HMGN2: variants seen among roughly 807,000 people sequenced by gnomAD.
HMGN2 encodes the protein non-histone chromosomal protein HMG-17.
HMGN2 carries 2 observed loss-of-function variants against 16.9 expected under a neutral mutation model. That is an observed-to-expected ratio of 0.12 (90% CI 0.05 to 0.37). The LOEUF (loss-of-function observed/expected upper bound fraction) is 0.37, where lower values mean the gene tolerates loss of function less well. Ranked by LOEUF, HMGN2 falls within the 10% of genes least tolerant of loss-of-function variation. The pLI, the probability that HMGN2 is intolerant of heterozygous loss-of-function variation, is 1.00. For synonymous variants in HMGN2, 31 were observed against 34.9 expected, an observed-to-expected ratio of 0.89 and a Z score of 0.39; for missense variants, 90 against 106.0, an observed-to-expected ratio of 0.85 and a Z score of 0.66.
chr1:26,473,022 C>CA (rs1324290073), intron 1 of HMGN2, among the ~76,000 whole-genome samples: 6 of 74,328 alleles, frequency 8.1e-5, no homozygotes, highest in Non-Finnish European at 8.0e-5. Flanking sequence ...GCGCTGCCGC[C>CA]AAAAAACCGC....
rs147044682 is a variant in HMGN2, at chr1:26,476,242, C to T, written c.*1094C>T. Among the ~76,000 whole-genome samples the T allele has an allele frequency of 6.1e-3, 926 of 152,206 alleles. 15 individuals carry two copies. The highest frequency in any genetic ancestry group is 0.02 in the African/African-American group (834 of 41,528). ...GCAGTGTTTGTTTTTTGCATGACTCCGAATACATGAAGTGTATTAAATGCA... is the reference window on the plus strand; with the variant it reads ...GCAGTGTTTGTTTTTTGCATGACTCTGAATACATGAAGTGTATTAAATGCA... On this transcript the variant is annotated 3_prime_UTR_variant, in exon 6 of 6. Coordinates refer to ENST00000361427, the MANE Select transcript of HMGN2 (RefSeq NM_005517.4).
At chr1:26,474,541 A>G in intron 4 of HMGN2, 31 bp from the exon 5 acceptor site, 1 of 1,022,766 alleles carries the variant, frequency 9.8e-7, no homozygotes, top group Non-Finnish European at 1.5e-6. Flanking sequence ...CGAAATGGGG[A>G]GAAACAGTTC....
At chr1:26,474,207 A>G (rs1322093624) in intron 4 of HMGN2, 72 bp downstream of exon 4, 28 of 1,101,036 alleles carry the variant, frequency 2.5e-5, no homozygotes, top group Non-Finnish European at 3.5e-5. Context: ...CTTAATTAGC[A>G]TAATGGTGCC....
intron 3 of HMGN2, 51 bp downstream of exon 3, chr1:26,473,783 T>C: frequency 6.5e-7 from 1 of 1,548,192 alleles, no homozygotes; most frequent in Non-Finnish European, 8.9e-7. Context: ...CTAAAAAACA[T>C]CAAAAAACAA....
chr1:26,476,024 T>C lies in HMGN2; in HGVS notation c.*876T>C, dbSNP rs2075606063. 1 of 281,958 alleles carries C rather than the reference T, an allele frequency of 3.5e-6. No homozygotes were observed. The highest frequency in any genetic ancestry group is 6.9e-6 in the Non-Finnish European group (1 of 144,158). The allele number at this position is 281,958 out of a possible 1,614,324, so 17.5% of individuals were successfully genotyped here. A position where few individuals can be genotyped will look rare whatever the true frequency, so the allele number is the denominator to read the frequency against. The stretch of plus-strand genomic sequence containing the variant: ...TGGGGTAACCTGGTTTATCCAAGTC[T>C]CTTGGAACAGGGTACGTTCTGCTTT... On this transcript the variant is annotated 3_prime_UTR_variant, in exon 6 of 6. Transcript: ENST00000361427.
At chr1:26,473,907 A>G (rs2075591997) in intron 3 of HMGN2, 175 bp downstream of exon 3, 2 of 793,656 alleles carry the variant, frequency 2.5e-6, no homozygotes, top group Admixed American at 2.7e-5. Context: ...CCTGTAGCCA[A>G]AGTGGGACAT....
intron 1 of HMGN2, among the ~76,000 whole-genome samples, chr1:26,473,038 T>C (rs958861495): frequency 0.056 from 54 of 968 alleles, no homozygotes; most frequent in Middle Eastern, 0.5. Flanking sequence ...ACCGCCGCCG[T>C]GAGGGGCGGG....
rs1376274421 is a variant in HMGN2, at chr1:26,476,155, AGCTGAT to A, written c.*1009_*1014del. Among the ~76,000 whole-genome samples the A allele has an allele frequency of 2.6e-5, 4 of 152,218 alleles. No individual in the cohort carries two copies. The highest frequency in any genetic ancestry group is 2.6e-4 in the Admixed American group (4 of 15,282). The stretch of plus-strand genomic sequence containing the variant: ...TAGGAAGGATTCCAGGAGTAGACTT[AGCTGAT>A]GGTGAAAGGCTGGGAGTATGGAGTG... On this transcript the variant is annotated 3_prime_UTR_variant, in exon 6 of 6. Coordinates refer to ENST00000361427, the MANE Select transcript of HMGN2 (RefSeq NM_005517.4).
chr1:26,476,041 T>C lies in HMGN2; in HGVS notation c.*893T>C. On this transcript the variant is annotated 3_prime_UTR_variant, in exon 6 of 6. Transcript: ENST00000361427. ...TCCAAGTCTCTTGGAACAGGGTACG[T>C]TCTGCTTTGAGGTACTCCATGTACA... 1 of 269,076 alleles carries C rather than the reference T, an allele frequency of 3.7e-6. No individual in the cohort carries two copies. 16.7% of individuals were successfully genotyped at this position (269,076 alleles called of 1,614,324 possible). A position where few individuals can be genotyped will look rare whatever the true frequency, so the allele number is the denominator to read the frequency against.
intron 5 of HMGN2, 89 bp downstream of exon 5, chr1:26,474,756 C>T (rs2075597108): frequency 9.8e-6 from 7 of 713,712 alleles, no homozygotes; most frequent in Non-Finnish European, 1.8e-5. Context: ...TTGTATCACT[C>T]CAAATGTACC....
chr1:26,472,462 G>C lies in HMGN2; in HGVS notation c.-151G>C, dbSNP rs1211257825. Reference sequence around the variant, plus strand: ...GGTGAAATCCGGTTCTAACCGGTCCGGGGCTCCCAGCGCTATAAAAACTTT... The same window carrying C: ...GGTGAAATCCGGTTCTAACCGGTCCCGGGCTCCCAGCGCTATAAAAACTTT... On this transcript the variant is annotated 5_prime_UTR_variant, in exon 1 of 6. Transcript: ENST00000361427. 9.7e-6 allele frequency: 9 copies of C among 930,036 alleles called. No homozygotes were observed. The highest frequency in any genetic ancestry group is 6.4e-5 in the Admixed American group (3 of 47,212). The allele number at this position is 930,036 out of a possible 1,614,324, so 57.6% of individuals were successfully genotyped here.
rs952452452 is a variant in HMGN2, at chr1:26,472,470, C to G, written c.-143C>G. ...CCGGTTCTAACCGGTCCGGGGCTCC[C>G]AGCGCTATAAAAACTTTATAAACCC... On this transcript the variant is annotated 5_prime_UTR_variant, in exon 1 of 6. Coordinates refer to ENST00000361427, the MANE Select transcript of HMGN2 (RefSeq NM_005517.4). 1 of 1,026,264 alleles carries G rather than the reference C, an allele frequency of 9.7e-7. No individual in the cohort carries two copies. Among genetic ancestry groups the G allele is most frequent in the East Asian group, 2.7e-5 (1 of 36,978 alleles). The allele number at this position is 1,026,264 out of a possible 1,614,324, so 63.6% of individuals were successfully genotyped here. A position where few individuals can be genotyped will look rare whatever the true frequency, so the allele number is the denominator to read the frequency against.
chr1:26,473,822 G>A (rs1458262390), intron 3 of HMGN2, 90 bp downstream of exon 3: 1 of 1,343,872 alleles, frequency 7.4e-7, no homozygotes, highest in Non-Finnish European at 1.1e-6. Flanking sequence ...ATTATGGTTA[G>A]TGCCTGGTTT....
chr1:26,473,680 A>G lies in HMGN2; in HGVS notation c.61-23A>G, dbSNP rs373205306. Reference sequence around the variant, plus strand: ...AAAGCGACTTACCTGTCCTATTTCTAACTTTCTCGTTGTCTTTAATAGCCA... The same window carrying G: ...AAAGCGACTTACCTGTCCTATTTCTGACTTTCTCGTTGTCTTTAATAGCCA... On this transcript the variant is annotated intron_variant, in intron 2 of 5. Transcript: ENST00000361427. 1.9e-5 allele frequency: 30 copies of G among 1,613,284 alleles called. No homozygotes were observed. In the African/African-American group the frequency reaches 2.9e-4, roughly 16 times the overall value.
At chr1:26,473,233 T>C (rs895855545) in intron 1 of HMGN2, 1 of 530,038 alleles carries the variant, frequency 1.9e-6, no homozygotes, top group Non-Finnish European at 3.3e-6. Flanking sequence ...CTGTTGCTCC[T>C]GCCTGTCGCG....
Position 26,472,611 on chromosome 1 carries a change from C to G in HMGN2, c.-2C>G. Reference sequence around the variant, plus strand: ...CGTCCCGCTGCCGTCGCCGCCGCCACCATGCCCAAGAGAAAGGTACGTGGC... The same window carrying G: ...CGTCCCGCTGCCGTCGCCGCCGCCAGCATGCCCAAGAGAAAGGTACGTGGC... On this transcript the variant is annotated 5_prime_UTR_variant, in exon 1 of 6. Transcript: ENST00000361427. The G allele has an allele frequency of 6.5e-7, 1 of 1,535,360 alleles. No homozygotes were observed. The highest frequency in any genetic ancestry group is 8.7e-7 in the Non-Finnish European group (1 of 1,147,918).
In HMGN2 at chr1:26,476,135, A is replaced by AG. The variant is rs376900666; in HGVS notation, c.*989dup. Among the ~76,000 whole-genome samples the AG allele has an allele frequency of 3.9e-5, 6 of 152,324 alleles. No individual in the cohort carries two copies. The highest frequency in any genetic ancestry group is 1.4e-4 in the African/African-American group (6 of 41,578). On this transcript the variant is annotated 3_prime_UTR_variant, in exon 6 of 6. Transcript: ENST00000361427. ...CACACAGTGCTAGGTGCAGTTAGGAAGGATTCCAGGAGTAGACTTAGCTGA... is the reference window on the plus strand; with the variant it reads ...CACACAGTGCTAGGTGCAGTTAGGAAGGGATTCCAGGAGTAGACTTAGCTGA...
chr1:26,475,082 G>A (rs150985386), intron 5 of HMGN2, 31 bp from the exon 6 acceptor site: 293 of 1,586,462 alleles, frequency 1.8e-4, no homozygotes, highest in South Asian at 1.7e-3. Flanking sequence ...TGAAATCTAC[G>A]CATTGCATTA....
At chr1:26,473,355 T>C (rs2075588511) in intron 1 of HMGN2, 128 bp from the exon 2 acceptor site, 1 of 679,006 alleles carries the variant, frequency 1.5e-6, no homozygotes, top group African/African-American at 1.8e-5. Flanking sequence ...AACGTCGGGC[T>C]CACTCATTTA....
Sources: allele counts gnomAD v4.1 joint callset (sites outside exome capture counted in the v4.1 genomes callset), GRCh38; gene constraint gnomAD v4.1.1; transcripts MANE v1.5; gene names NCBI Gene and HGNC (gene_info 2026-07-23, HGNC 2026-07-21).